The following MSL2 variants were observed in gnomAD, a reference collection of about 807,000 sequenced individuals.
The protein encoded by MSL2 is MSL complex subunit 2, also known as E3 ubiquitin-protein ligase MSL2.
A neutral mutation model predicts 35.8 loss-of-function variants in MSL2; 2 were observed. The ratio of observed to expected loss-of-function variants is 0.06; its 90% CI spans 0.02 to 0.18. MSL2 has a LOEUF of 0.18. MSL2 is among the 10% of genes least tolerant of loss of function. The probability of loss-of-function intolerance (pLI) is 1.00; values close to 1 mark genes in which losing one functional copy is unlikely to be tolerated. For synonymous variants in MSL2, 296 were observed against 255.7 expected (o/e 1.16, Z -1.50); for missense variants, 523 against 706.7 (o/e 0.74, Z 2.95).
chr3:136,189,253 C>T (rs965641028), intron 1 of MSL2, among the ~76,000 whole-genome samples: 2 of 145,896 alleles, frequency 1.4e-5, no homozygotes, highest in East Asian at 2.0e-4. Flanking sequence ...GAGCCGTGAT[C>T]ATGCCACCAC....
intron 1 of MSL2, among the ~76,000 whole-genome samples, chr3:136,188,871 A>G (rs1940598084): frequency 6.6e-6 from 1 of 151,910 alleles, no homozygotes; most frequent in African/African-American, 2.4e-5. Context: ...CCCACATTTA[A>G]ACTATTATTA....
At chr3:136,181,196 G>C (rs1940350389) in intron 1 of MSL2, among the ~76,000 whole-genome samples, 3 of 151,728 alleles carry the variant, frequency 2.0e-5, no homozygotes, top group Non-Finnish European at 2.9e-5. Flanking sequence ...CAAATATTTA[G>C]AATCATTTAC....
intron 1 of MSL2, among the ~76,000 whole-genome samples, chr3:136,170,978 T>C (rs1203340912): frequency 2.0e-5 from 3 of 152,214 alleles, no homozygotes; most frequent in Admixed American, 2.0e-4. Flanking sequence ...TCAATATGTT[T>C]GAGAAAGTAT....
chr3:136,172,616 A>G (rs913809294), intron 1 of MSL2, among the ~76,000 whole-genome samples: 42 of 151,906 alleles, frequency 2.8e-4, no homozygotes, highest in African/African-American at 9.2e-4. Flanking sequence ...TCTCCTCTAC[A>G]TCCTCTTCTG....
intron 1 of MSL2, among the ~76,000 whole-genome samples, chr3:136,187,102 T>A (rs1199329547): frequency 6.6e-6 from 1 of 152,224 alleles, no homozygotes; most frequent in East Asian, 1.9e-4. Context: ...GAGGATTAGC[T>A]GTACATTTTA....
Position 136,155,750 on chromosome 3 carries a change from A to G in MSL2, c.143-3012T>C, listed in dbSNP as rs1472700212. 5.7e-6 allele frequency: 3 copies of G among 528,866 alleles called. No individual in the cohort carries two copies. In the East Asian group the frequency reaches 1.4e-4, roughly 25 times the overall value. The allele number at this position is 528,866 out of a possible 1,614,324, so 32.8% of individuals were successfully genotyped here. A position where few individuals can be genotyped will look rare whatever the true frequency, so the allele number is the denominator to read the frequency against. On this transcript the variant is annotated intron_variant, in intron 1 of 1. Transcript: ENST00000309993. ...TGCTTCCCCTCCTTCTACAGACGGA[A>G]TTGTGAGCACCATGTACGTATGCAA...
At chr3:136,160,447 G>T (rs1428522775) in intron 1 of MSL2, among the ~76,000 whole-genome samples, 1 of 149,542 alleles carries the variant, frequency 6.7e-6, no homozygotes, top group Non-Finnish European at 1.5e-5. Flanking sequence ...AACAATGCAA[G>T]CCAGGCGTGG....
chr3:136,193,266 T>C (rs1414564995), intron 1 of MSL2, among the ~76,000 whole-genome samples: 1 of 152,162 alleles, frequency 6.6e-6, no homozygotes, highest in East Asian at 1.9e-4. Context: ...TTAAAACCTC[T>C]GAGGTTCTTA....
intron 1 of MSL2, among the ~76,000 whole-genome samples, chr3:136,159,210 A>C (rs1382452383): frequency 1.3e-5 from 2 of 152,220 alleles, no homozygotes; most frequent in African/African-American, 4.8e-5. Context: ...CATAGTAATC[A>C]AGACAGTGTG....
At chr3:136,188,461 ACTAACAGG>A (rs1020061862) in intron 1 of MSL2, among the ~76,000 whole-genome samples, 1 of 150,630 alleles carries the variant, frequency 6.6e-6, no homozygotes, top group African/African-American at 2.4e-5. Context: ...AAAAAAGTCC[ACTAACAGG>A]CTGGGTTCAG....
chr3:136,184,444 CA>C (rs1491480380), intron 1 of MSL2, among the ~76,000 whole-genome samples: 2 of 148,964 alleles, frequency 1.3e-5, no homozygotes, highest in Admixed American at 1.3e-4. Context: ...TATAAAAACA[CA>C]AAAAAAAATG....
rs1281290029 is a variant in MSL2, at chr3:136,149,269, G to A, written c.*1878C>T. Reference sequence around the variant, plus strand: ...AATCTCATTTCTAATCATTTTTGCAGTGATCATTAGTGAATAAAGAACAGA... The same window carrying A: ...AATCTCATTTCTAATCATTTTTGCAATGATCATTAGTGAATAAAGAACAGA... On this transcript the variant is annotated 3_prime_UTR_variant, in exon 2 of 2. Coordinates refer to ENST00000309993, the MANE Select transcript of MSL2 (RefSeq NM_018133.4). 5.2e-5 allele frequency: 8 copies of A among 152,532 alleles called. No homozygotes were observed. Among genetic ancestry groups the A allele is most frequent in the African/African-American group, 1.9e-4 (8 of 41,416 alleles). 9.4% of individuals were successfully genotyped at this position (152,532 alleles called of 1,614,324 possible).
chr3:136,191,368 T>C (rs769815544), intron 1 of MSL2, among the ~76,000 whole-genome samples: 1 of 150,158 alleles, frequency 6.7e-6, no homozygotes, highest in Non-Finnish European at 1.5e-5. Context: ...CTCGGGAAGC[T>C]GAGGCAGGAG....
intron 1 of MSL2, among the ~76,000 whole-genome samples, chr3:136,163,325 T>G (rs1939761197): frequency 6.6e-6 from 1 of 152,362 alleles, no homozygotes; most frequent in Non-Finnish European, 1.5e-5. Context: ...CTTAACACTA[T>G]GAACTCATGT....
intron 1 of MSL2, among the ~76,000 whole-genome samples, chr3:136,187,370 A>C (rs921092640): frequency 6.6e-6 from 1 of 152,244 alleles, no homozygotes; most frequent in Non-Finnish European, 1.5e-5. Context: ...GACTCCAAAC[A>C]AACCATATTT....
intron 1 of MSL2, among the ~76,000 whole-genome samples, chr3:136,153,415 T>C (rs1345271048): frequency 6.6e-6 from 1 of 152,194 alleles, no homozygotes; most frequent in Non-Finnish European, 1.5e-5. Flanking sequence ...TAGAAAAGTA[T>C]CTTCACAGAA....
rs556247964 is a variant in MSL2 at position 136,178,471 on chromosome 3, A to C, written c.142+16501T>G. 1.1e-4 allele frequency among the ~76,000 whole-genome samples: 17 copies of C among 152,212 alleles called. No individual in the cohort carries two copies. In the South Asian group the frequency reaches 3.1e-3, roughly 28 times the overall value. On this transcript the variant is annotated intron_variant, in intron 1 of 1. Coordinates refer to ENST00000309993, the MANE Select transcript of MSL2 (RefSeq NM_018133.4). ...TCATCCCAAAATACATTAGCATCTT[A>C]AAACTGAATATTCTATAGGTGTCAA...
intron 1 of MSL2, among the ~76,000 whole-genome samples, chr3:136,162,804 A>G (rs778600576): frequency 5.9e-5 from 9 of 152,220 alleles, no homozygotes; most frequent in African/African-American, 1.2e-4. Context: ...TCCAAAGAGT[A>G]ACTATTTCGA....
intron 1 of MSL2, among the ~76,000 whole-genome samples, chr3:136,153,848 T>C (rs577530158): frequency 4.6e-5 from 7 of 151,794 alleles, no homozygotes; most frequent in African/African-American, 1.7e-4. Flanking sequence ...TTTGGGGGGC[T>C]GAGGTGGGCA....
Sources: allele counts gnomAD v4.1 joint callset (sites outside exome capture counted in the v4.1 genomes callset), GRCh38; gene constraint gnomAD v4.1.1; transcripts MANE v1.5; gene names NCBI Gene and HGNC (gene_info 2026-07-23, HGNC 2026-07-21).